OPRM1: variants seen among roughly 807,000 people sequenced by gnomAD.
OPRM1 encodes mu-type opioid receptor.
Under a neutral mutation model 31.8 loss-of-function variants are expected in OPRM1, and 27 were observed. The ratio of observed to expected loss-of-function variants is 0.85; its 90% CI spans 0.63 to 1.17. The LOEUF (loss-of-function observed/expected upper bound fraction) is 1.17, where lower values mean the gene tolerates loss of function less well. Ranked by LOEUF, OPRM1 falls within the 50% of genes most tolerant of loss-of-function variation. OPRM1 has a pLI of 0.00. For synonymous variants in OPRM1, 196 were observed against 189.9 expected (o/e 1.03, Z -0.26); for missense variants, 536 against 511.1 (o/e 1.05, Z -0.47).
chr6:154,107,689 G>A (rs938825395), intron 3 of OPRM1: 8 of 718,540 alleles, frequency 1.1e-5, no homozygotes, highest in Admixed American at 1.0e-4. Flanking sequence ...CTGCCGTGTG[G>A]TTAAAAGGTC....
chr6:154,050,116 T>G (rs1781900448), intron 1 of OPRM1, among the ~76,000 whole-genome samples: 1 of 152,222 alleles, frequency 6.6e-6, no homozygotes, highest in South Asian at 2.1e-4. Flanking sequence ...AATTCAGCAG[T>G]GTAGCCATCA....
intron 3 of OPRM1, among the ~76,000 whole-genome samples, chr6:154,209,825 A>G (rs1777821224): frequency 6.6e-6 from 1 of 152,000 alleles, no homozygotes. Flanking sequence ...CTAAGGGGGA[A>G]AAAAAATCTA....
At chr6:154,180,651 A>G (rs1006204265) in intron 3 of OPRM1, among the ~76,000 whole-genome samples, 1 of 152,030 alleles carries the variant, frequency 6.6e-6, no homozygotes, top group Non-Finnish European at 1.5e-5. Context: ...TTTAAATGCT[A>G]TATTTTCAAC....
chr6:154,068,752 G>A (rs919495427), intron 1 of OPRM1, among the ~76,000 whole-genome samples: 1 of 152,162 alleles, frequency 6.6e-6, no homozygotes, highest in African/African-American at 2.4e-5. Flanking sequence ...TCATATGTTA[G>A]TTGTGCAATT....
intron 1 of OPRM1, among the ~76,000 whole-genome samples, chr6:154,021,386 G>A (rs1396907372): frequency 2.6e-5 from 4 of 152,000 alleles, no homozygotes; most frequent in South Asian, 2.1e-4. Flanking sequence ...TCTTGAAGTC[G>A]AATAGTGACA....
intron 1 of OPRM1, among the ~76,000 whole-genome samples, chr6:154,013,696 A>G (rs748837859): frequency 1.5e-4 from 23 of 152,134 alleles, no homozygotes; most frequent in Non-Finnish European, 3.1e-4. Context: ...TCTGTCAACT[A>G]TGCTGATGTT....
At chr6:154,223,406 C>T (rs1779016532) in intron 3 of OPRM1, among the ~76,000 whole-genome samples, 3 of 152,168 alleles carry the variant, frequency 2.0e-5, no homozygotes, top group Admixed American at 6.5e-5. Context: ...ATACACAGCT[C>T]ATGAGAAAGA....
intron 1 of OPRM1, among the ~76,000 whole-genome samples, chr6:154,011,671 TCCAC>T (rs1777736694): frequency 6.6e-6 from 1 of 152,176 alleles, no homozygotes; most frequent in South Asian, 2.1e-4. Flanking sequence ...GTCACAGTTT[TCCAC>T]TTTATTTGTG....
At chr6:154,031,255 A>G (rs1778990488) in intron 1 of OPRM1, among the ~76,000 whole-genome samples, 1 of 152,184 alleles carries the variant, frequency 6.6e-6, no homozygotes, top group African/African-American at 2.4e-5. Context: ...AAAATTATCA[A>G]TTAATTGTTT....
chr6:154,039,845 C>T lies in OPRM1; in HGVS notation c.290+11C>T, dbSNP rs199687709. 4.7e-4 allele frequency: 735 copies of T among 1,564,014 alleles called. 6 individuals carry two copies. In the South Asian group the frequency reaches 7.1e-3, roughly 15 times the overall value. ...GTATGTGATTGTCAGGTAAGGAAAG[C>T]GCCAGGGCTCCGAGCGGAGGGTTCA... On this transcript the variant is annotated intron_variant, in intron 1 of 3. Transcript: ENST00000330432.
At chr6:154,017,280 T>A (rs1778059250) in intron 1 of OPRM1, among the ~76,000 whole-genome samples, 1 of 152,174 alleles carries the variant, frequency 6.6e-6, no homozygotes, top group Non-Finnish European at 1.5e-5. Context: ...CTGATAAATA[T>A]TTGTTAAGTA....
intron 1 of OPRM1, among the ~76,000 whole-genome samples, chr6:154,057,702 A>C: frequency 6.6e-6 from 1 of 152,236 alleles, no homozygotes; most frequent in Non-Finnish European, 1.5e-5. Flanking sequence ...AATAGTAAGG[A>C]TATCGGCACA....
At chr6:154,172,662 G>A (rs186313668) in intron 3 of OPRM1, among the ~76,000 whole-genome samples, 390 of 152,312 alleles carry the variant, frequency 2.6e-3, no homozygotes, top group African/African-American at 4.1e-3. Flanking sequence ...AGGGAAGCTC[G>A]AACTGGGCGG....
In OPRM1 at chr6:154,132,165, T is replaced by A. The variant is rs1416242681; in HGVS notation, c.*13444T>A. 6.6e-6 allele frequency among the ~76,000 whole-genome samples: 1 copy of A among 152,180 alleles called. No individual in the cohort carries two copies. Among genetic ancestry groups the A allele is most frequent in the Non-Finnish European group, 1.5e-5 (1 of 68,024 alleles). On this transcript the variant is annotated 3_prime_UTR_variant, in exon 4 of 4. Transcript: ENST00000330432. ...ACTAGTATATCAAACAGTGAGCAAT[T>A]CACTAAATTATTTTTACATTACTCC... is the stretch of plus-strand genomic sequence containing the variant.
At chr6:154,047,100 G>A (rs1781256082) in intron 1 of OPRM1, among the ~76,000 whole-genome samples, 2 of 152,174 alleles carry the variant, frequency 1.3e-5, no homozygotes, top group Admixed American at 1.3e-4. Flanking sequence ...TTACAGTCAA[G>A]CCTTTATTCA....
At chr6:154,087,424 A>G (rs537268256) in intron 1 of OPRM1, 1 of 985,446 alleles carries the variant, frequency 1.0e-6, no homozygotes, top group East Asian at 1.1e-4. Flanking sequence ...CTAACATTTA[A>G]AAGGAATTGA....
At chr6:154,092,947 A>T (rs1436804401) in intron 3 of OPRM1, among the ~76,000 whole-genome samples, 1 of 152,174 alleles carries the variant, frequency 6.6e-6, no homozygotes, top group African/African-American at 2.4e-5. Context: ...TCTTTTCTCT[A>T]CGTTTTTTTC....
chr6:154,227,284 A>G (rs1428425785), intron 3 of OPRM1, among the ~76,000 whole-genome samples: 1 of 152,210 alleles, frequency 6.6e-6, no homozygotes, highest in African/African-American at 2.4e-5. Flanking sequence ...AATTAGAATC[A>G]GCACCCAATT....
chr6:154,209,421 T>C (rs1437863594), intron 3 of OPRM1, among the ~76,000 whole-genome samples: 1 of 151,960 alleles, frequency 6.6e-6, no homozygotes, highest in Non-Finnish European at 1.5e-5. Flanking sequence ...GAGGCCAAGG[T>C]GAGTGCATCA....
Sources: gnomAD v4.1 joint callset for allele counts (sites outside exome capture counted in the v4.1 genomes callset) on GRCh38, gnomAD v4.1.1 for gene constraint, MANE v1.5 for transcripts, NCBI Gene and HGNC (gene_info 2026-07-23, HGNC 2026-07-21) for gene names.